Variants in AFAP1L2 observed in about 807,000 individuals in gnomAD.
AFAP1L2 encodes the protein actin filament associated protein 1 like 2.
Under a neutral mutation model 99.3 loss-of-function variants are expected in AFAP1L2, and 46 were observed. The ratio of observed to expected loss-of-function variants is 0.46; its 90% CI spans 0.37 to 0.59. The LOEUF is 0.59. Among genes scored for constraint, AFAP1L2 ranks in the 20% least tolerant of loss-of-function variants. The pLI is 0.00. For missense variants in AFAP1L2, 959 were observed against 1,034.9 expected (o/e 0.93, Z 1.01); for synonymous variants, 397 against 419.1 (o/e 0.95, Z 0.64).
rs1386779662 is a variant in AFAP1L2 at position 114,295,476 on chromosome 10, TAGATGGTTTTACAGA to T, written c.*551_*565del. ...TTATTGTTTCTCAAAACTCATGTCATAGATGGTTTTACAGATGATGGTTTTACAGATGATGTCAAT... is the reference window on the plus strand; with the variant it reads ...TTATTGTTTCTCAAAACTCATGTCATTGATGGTTTTACAGATGATGTCAAT... On this transcript the variant is annotated 3_prime_UTR_variant, in exon 19 of 19. Coordinates refer to ENST00000304129, the MANE Select transcript of AFAP1L2 (RefSeq NM_001001936.3). 1.0e-6 allele frequency: 1 copy of T among 985,370 alleles called. No homozygotes were observed. The highest frequency in any genetic ancestry group is 1.2e-6 in the Non-Finnish European group (1 of 829,900). The allele number at this position is 985,370 out of a possible 1,614,324, so 61.0% of individuals were successfully genotyped here.
chr10:114,347,522 C>CTGGA (rs2049783800), intron 1 of AFAP1L2, among the ~76,000 whole-genome samples: 1 of 152,114 alleles, frequency 6.6e-6, no homozygotes, highest in African/African-American at 2.4e-5. Context: ...GTCATCCAGG[C>CTGGA]TGGAGTGCAG....
chr10:114,300,728 C>T, intron 13 of AFAP1L2, 38 bp from the exon 14 acceptor site: 1 of 1,547,442 alleles, frequency 6.5e-7, no homozygotes, highest in Non-Finnish European at 8.7e-7. Flanking sequence ...TCAACATTAC[C>T]TCTACTCCCT....
intron 1 of AFAP1L2, among the ~76,000 whole-genome samples, chr10:114,403,362 A>G (rs1425337603): frequency 6.6e-6 from 1 of 152,202 alleles, no homozygotes; most frequent in Non-Finnish European, 1.5e-5. Context: ...GCCGGTCCCA[A>G]CAGGTCCCTT....
intron 2 of AFAP1L2, among the ~76,000 whole-genome samples, chr10:114,340,284 C>T (rs1444056352): frequency 6.6e-6 from 1 of 152,162 alleles, no homozygotes; most frequent in African/African-American, 2.4e-5. Flanking sequence ...CGCGCCACTG[C>T]ACTCCAGACT....
intron 1 of AFAP1L2, among the ~76,000 whole-genome samples, chr10:114,344,922 C>A (rs572221259): frequency 4.6e-5 from 7 of 152,062 alleles, no homozygotes; most frequent in Non-Finnish European, 8.8e-5. Flanking sequence ...CCTGGCAAAA[C>A]CCTGTCTCTA....
chr10:114,377,371 CT>C lies in AFAP1L2; in HGVS notation c.16+27068del, dbSNP rs2054942914. 6.6e-6 allele frequency among the ~76,000 whole-genome samples: 1 copy of C among 152,194 alleles called. No individual in the cohort carries two copies. Among genetic ancestry groups the C allele is most frequent in the South Asian group, 2.1e-4 (1 of 4,824 alleles). ...GAAGCATGATTTAGAAACTAGATGA[CT>C]TTGGGTCAAGTCTGATCAAAGACAG... On this transcript the variant is annotated intron_variant, in intron 1 of 18. Coordinates refer to ENST00000304129, the MANE Select transcript of AFAP1L2 (RefSeq NM_001001936.3). This position sits in a 1 kb window ranked among gnomAD's most constrained non-coding sequence, Gnocchi z 4.0.
At chr10:114,314,969 C>T (rs540651307) in intron 6 of AFAP1L2, among the ~76,000 whole-genome samples, 25 of 152,214 alleles carry the variant, frequency 1.6e-4, no homozygotes, top group Non-Finnish European at 2.5e-4. Context: ...GGTGAAACCC[C>T]GTCTCTACTA....
At position 114,340,584 on chromosome 10, in the gene AFAP1L2, A is replaced by G; in HGVS notation, c.145+19T>C. The stretch of plus-strand genomic sequence containing the variant: ...CTTTTGGCGTGGAGGCCTCTGCACC[A>G]CCCAGGGCCCACACTCACTGCTGCT... On this transcript the variant is annotated intron_variant, in intron 2 of 18. Transcript: ENST00000304129. The G allele has an allele frequency of 6.2e-7, 1 of 1,612,164 alleles. No individual in the cohort carries two copies. Among genetic ancestry groups the G allele is most frequent in the Non-Finnish European group, 8.5e-7 (1 of 1,178,972 alleles).
chr10:114,357,717 T>C (rs7084119), intron 1 of AFAP1L2, among the ~76,000 whole-genome samples: 14,827 of 152,254 alleles, frequency 0.097, 1,877 homozygotes, highest in African/African-American at 0.29. Flanking sequence ...AGAATGCATG[T>C]TGCAATTCTG....
In AFAP1L2 at chr10:114,302,488, G is replaced by A. The variant is rs1318738331; in HGVS notation, c.1285-4C>T. 2 of 1,613,740 alleles carry A rather than the reference G, an allele frequency of 1.2e-6. No homozygotes were observed. Among genetic ancestry groups the A allele is most frequent in the Non-Finnish European group, 1.7e-6 (2 of 1,180,016 alleles). On this transcript the variant is annotated splice_polypyrimidine_tract_variant and splice_region_variant and intron_variant, in intron 11 of 18. Transcript: ENST00000304129. ...CCATTTCCTCGGAAGACTTGGCCTG[G>A]AACGAGGCCAAGAGAGACATAAGCA...
At chr10:114,316,930 G>A (rs2044236044) in intron 5 of AFAP1L2, among the ~76,000 whole-genome samples, 1 of 152,086 alleles carries the variant, frequency 6.6e-6, no homozygotes, top group South Asian at 2.1e-4. Context: ...TCCCATTCCC[G>A]GCAGCCCTGT....
At chr10:114,319,229 G>A (rs574835256) in intron 5 of AFAP1L2, among the ~76,000 whole-genome samples, 1 of 152,280 alleles carries the variant, frequency 6.6e-6, no homozygotes, top group Admixed American at 6.5e-5. Context: ...AGGGTGAACA[G>A]GAATGAGAGG....
intron 1 of AFAP1L2, among the ~76,000 whole-genome samples, chr10:114,346,325 C>G (rs555207463): frequency 6.6e-6 from 1 of 152,164 alleles, no homozygotes; most frequent in Non-Finnish European, 1.5e-5. Context: ...TGCGCATAGT[C>G]GTCTGGGTGT....
At chr10:114,405,135 G>A (rs922570578), upstream of AFAP1L2, among the ~76,000 whole-genome samples, 1 of 152,176 alleles carries the variant, frequency 6.6e-6, no homozygotes, top group African/African-American at 2.4e-5. Context: ...ACATCTGCTT[G>A]CTGCTTTCTA....
intron 1 of AFAP1L2, among the ~76,000 whole-genome samples, chr10:114,383,857 C>T (rs938636952): frequency 4.6e-5 from 7 of 152,304 alleles, no homozygotes; most frequent in East Asian, 1.9e-4. Context: ...ATTGCCAACA[C>T]GTAGCCCGCA....
At chr10:114,350,703 G>A (rs1418714511) in intron 1 of AFAP1L2, among the ~76,000 whole-genome samples, 1 of 152,176 alleles carries the variant, frequency 6.6e-6, no homozygotes, top group Non-Finnish European at 1.5e-5. Context: ...CTTGGATGGT[G>A]CTCTGATGGG....
chr10:114,284,769 A>T, the AFAP1L2 span: 1 of 1,232,244 alleles, frequency 8.1e-7, no homozygotes, highest in Middle Eastern at 2.7e-4. Flanking sequence ...GGCCACTGCT[A>T]GAGCAGGAAG....
intron 1 of AFAP1L2, among the ~76,000 whole-genome samples, chr10:114,369,501 A>G (rs1045663533): frequency 6.0e-5 from 9 of 150,384 alleles, no homozygotes; most frequent in Admixed American, 4.7e-4. Flanking sequence ...AGGCTGAGGC[A>G]GGAGAATGGC....
At chr10:114,380,517 G>T (rs1271125411) in intron 1 of AFAP1L2, among the ~76,000 whole-genome samples, 1 of 152,122 alleles carries the variant, frequency 6.6e-6, no homozygotes, top group African/African-American at 2.4e-5. Flanking sequence ...AACAATGTTG[G>T]GTTTGATTTA....
Sources: allele counts gnomAD v4.1 joint callset (sites outside exome capture counted in the v4.1 genomes callset), GRCh38; gene constraint gnomAD v4.1.1; non-coding constraint Gnocchi (gnomAD v3.1); transcripts MANE v1.5; gene names NCBI Gene and HGNC (gene_info 2026-07-23, HGNC 2026-07-21).